OBI1: variants seen among roughly 807,000 people sequenced by gnomAD.
OBI1 encodes the protein ring finger protein 219.
Under a neutral mutation model 62.4 loss-of-function variants are expected in OBI1, and 59 were observed. The observed-to-expected ratio is 0.95, with a 90% CI of 0.77 to 1.17. OBI1 has a LOEUF of 1.17. Ranked by LOEUF, OBI1 falls within the 50% of genes most tolerant of loss-of-function variation. OBI1 has a pLI of 0.00. For missense variants in OBI1, 875 were observed against 830.9 expected (o/e 1.05, Z -0.65); for synonymous variants, 302 against 292.8 (o/e 1.03, Z -0.32).
chr13:78,649,702 C>A (rs1219986032), intron 1 of OBI1, among the ~76,000 whole-genome samples: 2 of 152,110 alleles, frequency 1.3e-5, no homozygotes, highest in Non-Finnish European at 2.9e-5. Flanking sequence ...CGATAGGCAA[C>A]AAAGTCCCTA....
At position 78,651,244 on chromosome 13, in the gene OBI1, T is replaced by C. The variant is rs1332453719; in HGVS notation, c.73-6247A>G. ...TCTCATTCTTTTGTCTTTGATCTAC[T>C]GCAATGACCACCTCCCAAGCTTCCA... On this transcript the variant is annotated intron_variant, in intron 1 of 5. Coordinates refer to ENST00000282003, the MANE Select transcript of OBI1 (RefSeq NM_024546.4). 2.6e-5 allele frequency among the ~76,000 whole-genome samples: 4 copies of C among 152,228 alleles called. No individual in the cohort carries two copies. The East Asian group carries it at 7.7e-4, about 29-fold the overall frequency.
chr13:78,625,137 G>A (rs764117313), intron 5 of OBI1, among the ~76,000 whole-genome samples: 1 of 152,096 alleles, frequency 6.6e-6, no homozygotes, highest in African/African-American at 2.4e-5. Context: ...GACATTAACA[G>A]GGATCCTAAT....
At chr13:78,635,323 C>T (rs1201457720) in intron 4 of OBI1, 125 bp from the exon 5 acceptor site, 1 of 615,148 alleles carries the variant, frequency 1.6e-6, no homozygotes, top group Non-Finnish European at 2.9e-6. Context: ...TAGAACATGG[C>T]CTTCAGAAAC....
chr13:78,629,506 A>G (rs1875782873), intron 5 of OBI1, among the ~76,000 whole-genome samples: 1 of 152,140 alleles, frequency 6.6e-6, no homozygotes, highest in African/African-American at 2.4e-5. Flanking sequence ...ACAACTGAAC[A>G]GAGACATGGA....
At chr13:78,657,975 T>C (rs953670135) in intron 1 of OBI1, among the ~76,000 whole-genome samples, 4 of 152,232 alleles carry the variant, frequency 2.6e-5, no homozygotes, top group African/African-American at 9.6e-5. Context: ...TGCTATTTCA[T>C]TGGCATTTCA....
intron 5 of OBI1, among the ~76,000 whole-genome samples, chr13:78,618,121 T>C (rs1875378648): frequency 2.0e-5 from 3 of 152,096 alleles, no homozygotes; most frequent in Non-Finnish European, 4.4e-5. Context: ...CAAAAATAAA[T>C]TCTATCTTTC....
At chr13:78,649,314 T>C (rs2137465792) in intron 1 of OBI1, among the ~76,000 whole-genome samples, 1 of 152,250 alleles carries the variant, frequency 6.6e-6, no homozygotes, top group South Asian at 2.1e-4. Flanking sequence ...GGTCCTGTGA[T>C]GTAGGAAAGG....
At chr13:78,647,222 G>A (rs1257955643) in intron 1 of OBI1, among the ~76,000 whole-genome samples, 2 of 152,234 alleles carry the variant, frequency 1.3e-5, no homozygotes, top group Non-Finnish European at 2.9e-5. Flanking sequence ...CCCGTGAACG[G>A]TCTGTGCTGA....
chr13:78,640,187 G>A (rs1332362210), intron 3 of OBI1, among the ~76,000 whole-genome samples: 4 of 150,816 alleles, frequency 2.7e-5, no homozygotes, highest in Admixed American at 6.6e-5. Flanking sequence ...GAGGGGGGCC[G>A]GGTTAAAAAA....
intron 5 of OBI1, among the ~76,000 whole-genome samples, chr13:78,631,148 A>T (rs1375211651): frequency 6.6e-6 from 1 of 152,146 alleles, no homozygotes; most frequent in Non-Finnish European, 1.5e-5. Flanking sequence ...TTCCTCAGTC[A>T]TAGGAGTTAT....
At chr13:78,646,138 A>T (rs975944871) in intron 1 of OBI1, among the ~76,000 whole-genome samples, 2 of 152,220 alleles carry the variant, frequency 1.3e-5, no homozygotes, top group Non-Finnish European at 2.9e-5. Context: ...GACTGTTTGT[A>T]GTTGTTTTAT....
At chr13:78,617,145 TA>T (rs1416003412) in intron 5 of OBI1, 23 bp from the exon 6 acceptor site, 1 of 1,505,444 alleles carries the variant, frequency 6.6e-7, no homozygotes, top group Non-Finnish European at 8.9e-7. Context: ...GAAAGATAGT[TA>T]ATCTTATAAC....
intron 5 of OBI1, among the ~76,000 whole-genome samples, chr13:78,619,520 T>TG (rs1041759878): frequency 6.6e-6 from 1 of 151,982 alleles, no homozygotes; most frequent in African/African-American, 2.4e-5. Context: ...AAAAGGCCAC[T>TG]GCCCCCAATT....
At chr13:78,635,373 T>C (rs946452634) in intron 4 of OBI1, among the ~76,000 whole-genome samples, 175 bp from the exon 5 acceptor site, 1 of 152,208 alleles carries the variant, frequency 6.6e-6, no homozygotes, top group African/African-American at 2.4e-5. Flanking sequence ...AACTGAATAC[T>C]ACTGAGCATT....
intron 3 of OBI1, among the ~76,000 whole-genome samples, chr13:78,640,365 C>T (rs1176561450): frequency 6.6e-6 from 1 of 152,044 alleles, no homozygotes; most frequent in Non-Finnish European, 1.5e-5. Flanking sequence ...TAAGTCATCT[C>T]TAGATTATTT....
intron 5 of OBI1, among the ~76,000 whole-genome samples, chr13:78,634,898 T>C (rs986322698): frequency 6.6e-6 from 1 of 152,170 alleles, no homozygotes; most frequent in Non-Finnish European, 1.5e-5. Flanking sequence ...AAGAAAAAAG[T>C]ACAGGCATAA....
In OBI1 at chr13:78,650,512, T is replaced by C. The variant is rs116086940; in HGVS notation, c.73-5515A>G. Among the ~76,000 whole-genome samples the C allele has an allele frequency of 6.0e-3, 914 of 152,262 alleles. 10 individuals carry two copies. Among genetic ancestry groups the C allele is most frequent in the African/African-American group, 0.02 (826 of 41,542 alleles). ...ATTCTATGCTGACAACTCCCAAGTCTCCCTCTGTAACTGGAGTCAGTAAGT... is the reference window on the plus strand; with the variant it reads ...ATTCTATGCTGACAACTCCCAAGTCCCCCTCTGTAACTGGAGTCAGTAAGT... On this transcript the variant is annotated intron_variant, in intron 1 of 5. Coordinates refer to ENST00000282003, the MANE Select transcript of OBI1 (RefSeq NM_024546.4).
At position 78,615,428 on chromosome 13, in the gene OBI1, C is replaced by T; in HGVS notation, c.*152G>A. ...CTTTTCAAAATGAACAATAAGTATT[C>T]TGGGTACAGGTTAATCCACCATCCT... is the stretch of plus-strand genomic sequence containing the variant. On this transcript the variant is annotated 3_prime_UTR_variant, in exon 6 of 6. Coordinates refer to ENST00000282003, the MANE Select transcript of OBI1 (RefSeq NM_024546.4). 1 of 504,208 alleles carries T rather than the reference C, an allele frequency of 2.0e-6. No homozygotes were observed. Among genetic ancestry groups the T allele is most frequent in the South Asian group, 4.1e-5 (1 of 24,298 alleles). The allele number at this position is 504,208 out of a possible 1,614,324, so 31.2% of individuals were successfully genotyped here.
At chr13:78,639,939 A>G (rs557780588) in intron 3 of OBI1, among the ~76,000 whole-genome samples, 1 of 150,866 alleles carries the variant, frequency 6.6e-6, no homozygotes, top group African/African-American at 2.4e-5. Flanking sequence ...ACATGTATAC[A>G]TAGGTAACTA....
Sources: allele counts gnomAD v4.1 joint callset (sites outside exome capture counted in the v4.1 genomes callset), GRCh38; gene constraint gnomAD v4.1.1; transcripts MANE v1.5; gene names NCBI Gene and HGNC (gene_info 2026-07-23, HGNC 2026-07-21).